The following CERT1 variants were observed in gnomAD, a reference collection of about 807,000 sequenced individuals.
The protein encoded by CERT1 is ceramide transporter 1.
Under a neutral mutation model 87.9 loss-of-function variants are expected in CERT1, and 31 were observed. The ratio of observed to expected loss-of-function variants is 0.35; its 90% CI spans 0.27 to 0.48. The LOEUF is 0.48. CERT1 is among the 20% of genes least tolerant of loss of function. CERT1 has a pLI of 0.99. For synonymous variants in CERT1, 289 were observed against 250.9 expected, an observed-to-expected ratio of 1.15 and a Z score of -1.44; for missense variants, 487 against 758.0, an observed-to-expected ratio of 0.64 and a Z score of 4.20.
intron 3 of CERT1, among the ~76,000 whole-genome samples, chr5:75,438,216 A>AT (rs560309818): frequency 9.8e-4 from 149 of 152,334 alleles, no homozygotes; most frequent in Middle Eastern, 3.4e-3. Flanking sequence ...ATCATCAAAG[A>AT]TATCAGTACC....
chr5:75,487,395 G>A (rs1580841680), intron 2 of CERT1, among the ~76,000 whole-genome samples: 1 of 152,018 alleles, frequency 6.6e-6, no homozygotes, highest in Middle Eastern at 3.4e-3. Context: ...AAACACTGGG[G>A]AAACTCCAGA....
chr5:75,414,835 T>C (rs1214666745), intron 7 of CERT1, among the ~76,000 whole-genome samples: 2 of 152,170 alleles, frequency 1.3e-5, no homozygotes, highest in Non-Finnish European at 2.9e-5. Context: ...TGAGAGACTA[T>C]TTCCTGCTCA....
At chr5:75,388,398 A>T (rs1761885391) in intron 12 of CERT1, among the ~76,000 whole-genome samples, 1 of 151,624 alleles carries the variant, frequency 6.6e-6, no homozygotes, top group Admixed American at 6.6e-5. Flanking sequence ...CTCACATTAT[A>T]ATTTTTTTCC....
chr5:75,417,081 T>G (rs201547885), intron 6 of CERT1, 48 bp from the exon 7 acceptor site: 1 of 1,351,464 alleles, frequency 7.4e-7, no homozygotes, highest in Admixed American at 2.0e-5. Flanking sequence ...GAGGAAATAA[T>G]TCATCACAAT....
chr5:75,444,200 C>T (rs1486106471), intron 3 of CERT1, among the ~76,000 whole-genome samples: 2 of 151,992 alleles, frequency 1.3e-5, no homozygotes, highest in Non-Finnish European at 2.9e-5. Flanking sequence ...GGATTACAGG[C>T]ACCCGCCACT....
intron 3 of CERT1, among the ~76,000 whole-genome samples, chr5:75,428,739 A>T (rs576313589): frequency 1.3e-5 from 2 of 152,204 alleles, no homozygotes; most frequent in African/African-American, 4.8e-5. Context: ...GAAAGAAACA[A>T]GCTGTCATTA....
chr5:75,441,564 C>G (rs1243950757), intron 3 of CERT1, among the ~76,000 whole-genome samples: 1 of 152,140 alleles, frequency 6.6e-6, no homozygotes, highest in Non-Finnish European at 1.5e-5. Context: ...ACCCATTAAA[C>G]AGCAACATCC....
chr5:75,374,198 G>GAAAAA (rs749454395), downstream of CERT1: 3 of 304,452 alleles, frequency 9.9e-6, no homozygotes, highest in Admixed American at 7.2e-5. Context: ...GTCACTGAAG[G>GAAAAA]AAAAAAAAAA....
rs149028299 is a variant in CERT1 at position 75,500,569 on chromosome 5, TAGC to T, written c.231+5410_231+5412del. Among the ~76,000 whole-genome samples, 317 of 152,342 alleles carry T rather than the reference TAGC, an allele frequency of 2.1e-3. 1 individual carries two copies. The East Asian group carries it at 0.027, about 13-fold the overall frequency. On this transcript the variant is annotated intron_variant, in intron 2 of 16. Coordinates refer to ENST00000643780, the MANE Select transcript of CERT1 (RefSeq NM_001379029.1). Reference sequence around the variant, plus strand: ...TATGAGTTTCTCAAAGCATAAATCTTAGCAGATCGAAGAGTCTCATTTCTTTAA... The same window carrying T: ...TATGAGTTTCTCAAAGCATAAATCTTAGATCGAAGAGTCTCATTTCTTTAA...
intron 3 of CERT1, among the ~76,000 whole-genome samples, chr5:75,431,342 C>G (rs1387010090): frequency 6.6e-6 from 1 of 152,130 alleles, no homozygotes; most frequent in Non-Finnish European, 1.5e-5. Flanking sequence ...TGTTAATTCA[C>G]TTAGGATAAT....
intron 2 of CERT1, among the ~76,000 whole-genome samples, chr5:75,491,390 G>A (rs906774683): frequency 1.3e-5 from 2 of 152,082 alleles, no homozygotes; most frequent in Non-Finnish European, 2.9e-5. Flanking sequence ...TAGACATTCA[G>A]AAGTGTGTCT....
intron 3 of CERT1, among the ~76,000 whole-genome samples, chr5:75,443,049 T>C (rs1187716147): frequency 6.6e-6 from 1 of 152,162 alleles, no homozygotes; most frequent in Non-Finnish European, 1.5e-5. Flanking sequence ...GTGAATAAGG[T>C]AGGACTGCTA....
rs771356245 is a variant in CERT1, at chr5:75,379,369, C to T, written c.1852G>A (p.Ala618Thr). The T allele has an allele frequency of 1.2e-6, 2 of 1,613,454 alleles. No homozygotes were observed. The highest frequency in any genetic ancestry group is 1.7e-6 in the Non-Finnish European group (2 of 1,179,592). ...TACTAGAACAAAATAGGCTTTCCTG[C>T]AGTTTTTTCTTGGACGTAAGAAGTA... Reference protein sequence around the residue: ...RFTSYVQEKTAGKPILF With the variant: ...RFTSYVQEKTTGKPILF Residue 618 changes from alanine (A) to threonine (T), a missense_variant, in exon 17 of 17, where the codon GCA becomes ACA. Transcript: ENST00000643780.
chr5:75,445,955 CTGTA>C (rs1209168697), intron 3 of CERT1, among the ~76,000 whole-genome samples: 3 of 152,160 alleles, frequency 2.0e-5, no homozygotes, highest in Non-Finnish European at 2.9e-5. Context: ...TCAGGATACT[CTGTA>C]TGTCTTTTGA....
chr5:75,425,884 A>G (rs1267517522), intron 4 of CERT1, among the ~76,000 whole-genome samples: 1 of 152,252 alleles, frequency 6.6e-6, no homozygotes, highest in East Asian at 1.9e-4. Flanking sequence ...TGTCCTTTCA[A>G]AGTAATGGTG....
chr5:75,377,113 G>A (rs949213805), downstream of CERT1: 38 of 152,230 alleles, frequency 2.5e-4, no homozygotes, highest in African/African-American at 8.7e-4. Context: ...TATAGAAATA[G>A]TACTATACAA....
At chr5:75,431,480 C>T (rs953870714) in intron 3 of CERT1, among the ~76,000 whole-genome samples, 3 of 152,160 alleles carry the variant, frequency 2.0e-5, no homozygotes, top group African/African-American at 7.2e-5. Context: ...GCTTCTGTGG[C>T]CCTGCTATGT....
chr5:75,398,199 C>G (rs1463254746), intron 11 of CERT1, among the ~76,000 whole-genome samples: 1 of 152,070 alleles, frequency 6.6e-6, no homozygotes, highest in Non-Finnish European at 1.5e-5. Context: ...ATATTCTTCT[C>G]TATTGCAGGT....
At chr5:75,410,944 T>C in intron 8 of CERT1, 67 bp downstream of exon 8, 2 of 825,768 alleles carry the variant, frequency 2.4e-6, no homozygotes, top group South Asian at 1.7e-5. Context: ...AAGAGTATTA[T>C]TAAAAAATCA....
Sources: gnomAD v4.1 joint callset for allele counts (sites outside exome capture counted in the v4.1 genomes callset) on GRCh38, gnomAD v4.1.1 for gene constraint, MANE v1.5 for transcripts, NCBI Gene and HGNC (gene_info 2026-07-23, HGNC 2026-07-21) for gene names.